The following PTK2 variants were observed in gnomAD, a reference collection of about 807,000 sequenced individuals.
The protein encoded by PTK2 is focal adhesion kinase 1.
PTK2 carries 45 observed loss-of-function variants against 150.1 expected under a neutral mutation model. The ratio of observed to expected loss-of-function variants is 0.30; its 90% confidence interval spans 0.24 to 0.38. The LOEUF is 0.38. Ranked by LOEUF, PTK2 falls within the 10% of genes least tolerant of loss-of-function variation. The pLI is 1.00. For missense variants in PTK2, 919 were observed against 1,307.3 expected, an observed-to-expected ratio of 0.70 and a Z score of 4.58; for synonymous variants, 432 against 449.2, an observed-to-expected ratio of 0.96 and a Z score of 0.48.
At chr8:140,755,650 G>C (rs1454803303) in intron 16 of PTK2, among the ~76,000 whole-genome samples, 1 of 152,062 alleles carries the variant, frequency 6.6e-6, no homozygotes, top group Non-Finnish European at 1.5e-5. Context: ...GTTTTTCTCA[G>C]ACCCTCTTGG....
chr8:140,979,989 ATATAAATTGG>A (rs2100190799), intron 1 of PTK2, among the ~76,000 whole-genome samples: 1 of 152,224 alleles, frequency 6.6e-6, no homozygotes, highest in African/African-American at 2.4e-5. Flanking sequence ...ATTAGTGGTG[ATATAAATTGG>A]TATAACTACT....
At chr8:140,666,731 TA>T (rs2092164368) in intron 30 of PTK2, among the ~76,000 whole-genome samples, 1 of 152,096 alleles carries the variant, frequency 6.6e-6, no homozygotes, top group South Asian at 2.1e-4. Context: ...CTCAAAAAAT[TA>T]AAAATAGAAT....
intron 5 of PTK2, among the ~76,000 whole-genome samples, chr8:140,859,999 A>G (rs2100135113): frequency 6.6e-6 from 1 of 152,232 alleles, no homozygotes. Flanking sequence ...TAGTATATTC[A>G]AAACTTTCTT....
rs535186885 is a variant in PTK2 at position 140,692,434 on chromosome 8, T to C, written c.2500-5740A>G. Among the ~76,000 whole-genome samples, 11 of 152,228 alleles carry C rather than the reference T, an allele frequency of 7.2e-5. No homozygotes were observed. The East Asian group carries it at 1.2e-3, about 16-fold the overall frequency. ...GAGTTCAAGACCAGCCTGGCCAACA[T>C]GGTGAAACCCCATCTCTACTAAAAA... On this transcript the variant is annotated intron_variant, in intron 26 of 31. Transcript: ENST00000522684.
intron 2 of PTK2, among the ~76,000 whole-genome samples, chr8:140,919,294 A>C (rs1411751724): frequency 6.6e-6 from 1 of 152,228 alleles, no homozygotes. Context: ...ATTTCAGTTA[A>C]AAATAGTTGT....
intron 19 of PTK2, 58 bp downstream of exon 22, chr8:140,744,592 CCT>C: frequency 5.3e-6 from 6 of 1,121,542 alleles, no homozygotes; most frequent in Non-Finnish European, 7.7e-6. Context: ...CAAATGGGTC[CCT>C]GTTTCTTGAT....
In PTK2 at chr8:140,669,301, G is replaced by GTGTATATATATA. The variant is rs1554641612; in HGVS notation, c.2710-878_2710-877insTATATATATACA. On this transcript the variant is annotated intron_variant, in intron 29 of 31. Coordinates refer to ENST00000522684, the Ensembl canonical transcript of PTK2. ...GTTAGAATTACACCAGCATAAAATG[G>GTGTATATATATA]TATATATATATATATATATATATAT... is the stretch of plus-strand genomic sequence containing the variant. The GTGTATATATATA allele has an allele frequency of 2.3e-4, 23 of 97,992 alleles. 1 individual carries two copies. The highest frequency in any genetic ancestry group is 1.1e-3 in the African/African-American group (23 of 21,500). The allele number at this position is 97,992 out of a possible 1,614,324, so 6.1% of individuals were successfully genotyped here.
At chr8:140,994,081 G>A (rs1008487350) in intron 1 of PTK2, among the ~76,000 whole-genome samples, 2 of 152,136 alleles carry the variant, frequency 1.3e-5, no homozygotes, top group Non-Finnish European at 2.9e-5. Flanking sequence ...TGAATTTATA[G>A]TAAAGAAAAT....
chr8:140,788,375 C>A (rs1283607605), intron 14 of PTK2, among the ~76,000 whole-genome samples: 1 of 152,030 alleles, frequency 6.6e-6, no homozygotes, highest in East Asian at 1.9e-4. Flanking sequence ...CATTTGTGCA[C>A]CATTAAAAAA....
At chr8:140,814,835 C>T (rs767705687) in intron 10 of PTK2, among the ~76,000 whole-genome samples, 17 of 150,046 alleles carry the variant, frequency 1.1e-4, no homozygotes, top group East Asian at 3.9e-4. Context: ...AGTGCAATGA[C>T]GAAATCTCGG....
At chr8:140,862,403 C>A (rs2100136744) in intron 5 of PTK2, among the ~76,000 whole-genome samples, 1 of 152,144 alleles carries the variant, frequency 6.6e-6, no homozygotes, top group Admixed American at 6.5e-5. Context: ...GAGAACCAGT[C>A]TGTAAGATGA....
intron 7 of PTK2, among the ~76,000 whole-genome samples, chr8:140,836,234 G>C (rs900328562): frequency 2.0e-5 from 3 of 152,090 alleles, no homozygotes; most frequent in Admixed American, 2.0e-4. Flanking sequence ...ATTAGCCCAC[G>C]GTAAAACTGG....
At chr8:140,787,522 G>A (rs1457416223) in intron 14 of PTK2, among the ~76,000 whole-genome samples, 6 of 152,226 alleles carry the variant, frequency 3.9e-5, no homozygotes, top group Non-Finnish European at 8.8e-5. Context: ...TTGGCTGGAA[G>A]AAGTAAAATC....
At chr8:140,967,892 A>T (rs1392275435) in intron 1 of PTK2, among the ~76,000 whole-genome samples, 1 of 152,228 alleles carries the variant, frequency 6.6e-6, no homozygotes, top group African/African-American at 2.4e-5. Context: ...CCTGCACTTA[A>T]CACAAGCTGC....
chr8:140,886,135 G>T (rs551607622), intron 3 of PTK2, among the ~76,000 whole-genome samples: 1 of 152,190 alleles, frequency 6.6e-6, no homozygotes. Context: ...TAATGTATTC[G>T]ATATGGCTTG....
intron 1 of PTK2, among the ~76,000 whole-genome samples, chr8:140,985,473 T>C (rs2100192986): frequency 6.6e-6 from 1 of 152,196 alleles, no homozygotes; most frequent in African/African-American, 2.4e-5. Context: ...CTCTTGATAC[T>C]AGAAATCAAA....
intron 1 of PTK2, among the ~76,000 whole-genome samples, chr8:140,947,597 A>G (rs1263243965): frequency 6.6e-6 from 1 of 152,194 alleles, no homozygotes; most frequent in Non-Finnish European, 1.5e-5. Context: ...ATTCCTGTGA[A>G]GACTTCAATG....
chr8:140,779,494 T>C (rs528448467), intron 14 of PTK2, among the ~76,000 whole-genome samples: 6 of 152,086 alleles, frequency 3.9e-5, no homozygotes, highest in African/African-American at 9.7e-5. Flanking sequence ...CCAGTCCTAG[T>C]GCTACCATGG....
chr8:140,734,885 A>G (rs745943182), intron 22 of PTK2: 27 of 430,766 alleles, frequency 6.3e-5, no homozygotes, highest in Admixed American at 2.2e-4. Flanking sequence ...TAGGAGAATT[A>G]TAAGTAGGTA....
Sources: allele counts gnomAD v4.1 joint callset (sites outside exome capture counted in the v4.1 genomes callset), GRCh38; gene constraint gnomAD v4.1.1; transcripts MANE v1.5; gene names NCBI Gene and HGNC (gene_info 2026-07-23, HGNC 2026-07-21).